SETBP1: variants seen among roughly 807,000 people sequenced by gnomAD.
The protein encoded by SETBP1 is SET binding protein 1, also known as SET-binding protein.
SETBP1 carries 9 observed loss-of-function variants against 101.0 expected under a neutral mutation model. The observed-to-expected ratio is 0.09, with a 90% CI of 0.05 to 0.16. SETBP1 has a LOEUF of 0.16. Ranked by LOEUF, SETBP1 falls within the 10% of genes least tolerant of loss-of-function variation. The pLI, the probability that SETBP1 is intolerant of heterozygous loss-of-function variation, is 1.00. For missense variants in SETBP1, 1,858 were observed against 2,033.8 expected (o/e 0.91, Z 1.66); for synonymous variants, 818 against 788.5 (o/e 1.04, Z -0.63).
chr18:44,865,773 C>T (rs777328743), intron 2 of SETBP1, among the ~76,000 whole-genome samples: 1 of 152,058 alleles, frequency 6.6e-6, no homozygotes, highest in African/African-American at 2.4e-5. Flanking sequence ...GGGGTTGTGA[C>T]GTAATGGTGA....
chr18:45,038,939 C>G (rs746748908), intron 5 of SETBP1, among the ~76,000 whole-genome samples: 5 of 152,174 alleles, frequency 3.3e-5, no homozygotes, highest in Non-Finnish European at 7.4e-5. Flanking sequence ...ATTAATCACT[C>G]TTTATCAAGC....
At chr18:44,936,348 C>G (rs2070956872) in intron 3 of SETBP1, among the ~76,000 whole-genome samples, 1 of 152,234 alleles carries the variant, frequency 6.6e-6, no homozygotes, top group Non-Finnish European at 1.5e-5. Context: ...AAGGATGCAG[C>G]AGTGCCACTG....
intron 2 of SETBP1, among the ~76,000 whole-genome samples, chr18:44,710,207 T>A (rs946408685): frequency 6.6e-6 from 1 of 152,162 alleles, no homozygotes; most frequent in Non-Finnish European, 1.5e-5. Flanking sequence ...CCTGCAAGTT[T>A]AAGTTAAAAA....
At chr18:44,997,428 CT>C (rs1270788604) in intron 4 of SETBP1, among the ~76,000 whole-genome samples, 35 of 152,294 alleles carry the variant, frequency 2.3e-4, no homozygotes, top group African/African-American at 7.5e-4. Flanking sequence ...CAGTGTTATG[CT>C]GAGTATTCCT....
chr18:44,931,797 T>G (rs2070841305), intron 3 of SETBP1, among the ~76,000 whole-genome samples: 1 of 152,236 alleles, frequency 6.6e-6, no homozygotes, highest in Non-Finnish European at 1.5e-5. Context: ...GCTTGGTAGA[T>G]CTTCCTCGAT....
At chr18:45,022,069 A>G (rs767138645) in intron 4 of SETBP1, among the ~76,000 whole-genome samples, 10 of 152,158 alleles carry the variant, frequency 6.6e-5, no homozygotes, top group Non-Finnish European at 1.2e-4. Context: ...TTGCTTGGCC[A>G]CCTTCTCAAA....
chr18:45,030,441 A>T (rs1449055909), intron 4 of SETBP1, among the ~76,000 whole-genome samples: 1 of 129,450 alleles, frequency 7.7e-6, no homozygotes, highest in Non-Finnish European at 1.6e-5. Context: ...TTTTGCATCA[A>T]TGTTCATCAA....
chr18:44,790,599 C>G (rs774324878), intron 2 of SETBP1, among the ~76,000 whole-genome samples: 4 of 152,194 alleles, frequency 2.6e-5, no homozygotes, highest in Non-Finnish European at 5.9e-5. Context: ...AGTATATTCC[C>G]AGGATTCCTT....
intron 3 of SETBP1, among the ~76,000 whole-genome samples, chr18:44,913,861 T>A (rs1026694489): frequency 2.8e-4 from 43 of 152,236 alleles, no homozygotes; most frequent in Admixed American, 2.4e-3. Flanking sequence ...ATTCCATTTT[T>A]AGTTACTGAA....
At chr18:44,712,668 C>A (rs2069371277) in intron 2 of SETBP1, among the ~76,000 whole-genome samples, 1 of 152,030 alleles carries the variant, frequency 6.6e-6, no homozygotes, top group Non-Finnish European at 1.5e-5. Flanking sequence ...TTGATTCCTA[C>A]CATTTAGATA....
intron 4 of SETBP1, among the ~76,000 whole-genome samples, chr18:44,968,756 ATGAT>A (rs2071776615): frequency 2.6e-5 from 4 of 152,178 alleles, no homozygotes; most frequent in Admixed American, 2.6e-4. Context: ...CCCTGCCTGA[ATGAT>A]TGAGTTGCAA....
rs1170786699 is a variant in SETBP1 at position 44,702,884 on chromosome 18, T to C, written c.486+1052T>C. ...TCCAACACATCACGGACTTTTAAGATTGGACATTGACTCAACTTGGTTAGT... is the reference window on the plus strand; with the variant it reads ...TCCAACACATCACGGACTTTTAAGACTGGACATTGACTCAACTTGGTTAGT... On this transcript the variant is annotated intron_variant, in intron 2 of 5. Coordinates refer to ENST00000649279, the MANE Select transcript of SETBP1 (RefSeq NM_015559.3). Among the ~76,000 whole-genome samples, 7 of 152,332 alleles carry C rather than the reference T, an allele frequency of 4.6e-5. No individual in the cohort carries two copies. The East Asian group carries it at 1.3e-3, about 29-fold the overall frequency.
chr18:44,758,672 A>G (rs999432586), intron 2 of SETBP1, among the ~76,000 whole-genome samples: 7 of 152,282 alleles, frequency 4.6e-5, no homozygotes, highest in Non-Finnish European at 7.4e-5. Context: ...GTGAGCCACC[A>G]CGCCCGGCCT....
At chr18:44,789,705 T>C (rs1035543203) in intron 2 of SETBP1, among the ~76,000 whole-genome samples, 4 of 152,228 alleles carry the variant, frequency 2.6e-5, no homozygotes, top group African/African-American at 9.6e-5. Flanking sequence ...TCTGTCCTTA[T>C]CTATGAACGG....
chr18:44,994,809 G>GA (rs1599423978), intron 4 of SETBP1, among the ~76,000 whole-genome samples: 1 of 152,072 alleles, frequency 6.6e-6, no homozygotes, highest in Non-Finnish European at 1.5e-5. Flanking sequence ...TCAAAAATAT[G>GA]AAAAAACATA....
At chr18:44,914,521 A>G (rs2070383539) in intron 3 of SETBP1, among the ~76,000 whole-genome samples, 2 of 152,192 alleles carry the variant, frequency 1.3e-5, no homozygotes, top group Admixed American at 1.3e-4. Context: ...AAGTAAACGA[A>G]TGGATTTGGC....
chr18:44,935,650 TG>T (rs2070940685), intron 3 of SETBP1, among the ~76,000 whole-genome samples: 1 of 152,224 alleles, frequency 6.6e-6, no homozygotes, highest in Non-Finnish European at 1.5e-5. Flanking sequence ...ACCAGAGTCC[TG>T]GGCCCCAACC....
intron 2 of SETBP1, among the ~76,000 whole-genome samples, chr18:44,824,457 G>C (rs781160576): frequency 6.6e-6 from 1 of 151,826 alleles, no homozygotes; most frequent in African/African-American, 2.4e-5. Context: ...CTGTGGTAAG[G>C]GTCCACATTA....
intron 4 of SETBP1, among the ~76,000 whole-genome samples, chr18:45,024,316 C>T (rs2073124604): frequency 6.6e-6 from 1 of 152,194 alleles, no homozygotes; most frequent in South Asian, 2.1e-4. Context: ...TTCAAACTAG[C>T]ATCCTGTACT....
Sources: allele counts gnomAD v4.1 joint callset (sites outside exome capture counted in the v4.1 genomes callset), GRCh38; gene constraint gnomAD v4.1.1; transcripts MANE v1.5; gene names NCBI Gene and HGNC (gene_info 2026-07-23, HGNC 2026-07-21).